The following CBLN2 variants were observed in gnomAD, a reference collection of about 807,000 sequenced individuals.
CBLN2 encodes cerebellin-2.
In CBLN2, 7 loss-of-function variants were observed where a neutral mutation model predicts 15.0. The ratio of observed to expected loss-of-function variants is 0.47; its 90% CI spans 0.27 to 0.88. CBLN2 has a LOEUF of 0.88. Ranked by LOEUF, CBLN2 falls within the 40% of genes least tolerant of loss-of-function variation. CBLN2 has a pLI of 0.14. For missense variants in CBLN2, 242 were observed against 304.5 expected (o/e 0.79, Z 1.53); for synonymous variants, 149 against 135.2 (o/e 1.10, Z -0.71).
chr18:72,542,909 CCACA>C (rs56135302), intron 2 of CBLN2: 23,047 of 131,516 alleles, frequency 0.18, 1,979 homozygotes, highest in Middle Eastern at 0.2. Context: ...GGAAATGACA[CCACA>C]CACACACACA....
chr18:72,622,557 C>T (rs1789920127), intron 1 of CBLN2, among the ~76,000 whole-genome samples: 1 of 152,054 alleles, frequency 6.6e-6, no homozygotes, highest in Non-Finnish European at 1.5e-5. Context: ...TGAATTGTTG[C>T]CTTAGATTCC....
chr18:72,559,594 G>T (rs1232053694), intron 1 of CBLN2, among the ~76,000 whole-genome samples: 2 of 152,298 alleles, frequency 1.3e-5, no homozygotes, highest in South Asian at 4.1e-4. Flanking sequence ...AAAACATCTT[G>T]ATCAATATGG....
chr18:72,567,329 A>G (rs530559718), intron 1 of CBLN2, among the ~76,000 whole-genome samples: 107 of 152,302 alleles, frequency 7.0e-4, no homozygotes, highest in African/African-American at 2.4e-3. Context: ...AAAAAAATCC[A>G]TTATGTATTC....
At chr18:72,598,038 C>T (rs1339477887) in intron 1 of CBLN2, among the ~76,000 whole-genome samples, 1 of 152,186 alleles carries the variant, frequency 6.6e-6, no homozygotes, top group Non-Finnish European at 1.5e-5. Flanking sequence ...TCTATACCAC[C>T]GTGGCTGATC....
chr18:72,539,998 T>C (rs1451111271), intron 3 of CBLN2: 1 of 152,206 alleles, frequency 6.6e-6, no homozygotes, highest in Non-Finnish European at 1.5e-5. Context: ...CGAAATGACT[T>C]GTGAAATATG....
chr18:72,575,948 C>G (rs1186911299), intron 1 of CBLN2, among the ~76,000 whole-genome samples: 1 of 152,046 alleles, frequency 6.6e-6, no homozygotes, highest in East Asian at 1.9e-4. Flanking sequence ...AGTATAGCAC[C>G]CTTTAGCCCT....
At chr18:72,590,403 A>C (rs907562803) in intron 1 of CBLN2, among the ~76,000 whole-genome samples, 1 of 152,138 alleles carries the variant, frequency 6.6e-6, no homozygotes, top group Admixed American at 6.5e-5. Flanking sequence ...CCATGATTGC[A>C]CTATTGCACT....
chr18:72,541,307 C>T (rs1341582498), intron 3 of CBLN2, among the ~76,000 whole-genome samples: 3 of 149,336 alleles, frequency 2.0e-5, no homozygotes, highest in Non-Finnish European at 3.0e-5. Flanking sequence ...TTAAGATAAA[C>T]ATCCCTTCCC....
At chr18:72,596,860 C>T (rs2069517137) in intron 1 of CBLN2, among the ~76,000 whole-genome samples, 1 of 152,034 alleles carries the variant, frequency 6.6e-6, no homozygotes, top group African/African-American at 2.4e-5. Context: ...TTTTCCTTGA[C>T]TTTTGGAATA....
At chr18:72,597,664 A>G (rs1332141949) in intron 1 of CBLN2, among the ~76,000 whole-genome samples, 1 of 152,194 alleles carries the variant, frequency 6.6e-6, no homozygotes, top group Non-Finnish European at 1.5e-5. Context: ...AGGTCCAGAG[A>G]TGCTGTCTGT....
rs118170045 is a variant in CBLN2 at position 72,543,178 on chromosome 18, C to T, written c.-167+308G>A. 2.6e-3 allele frequency: 728 copies of T among 275,126 alleles called. 17 individuals are homozygous for T. The East Asian group carries it at 0.042, about 16-fold the overall frequency. The allele number at this position is 275,126 out of a possible 1,614,324, so 17.0% of individuals were successfully genotyped here. On this transcript the variant is annotated intron_variant, in intron 2 of 4. Transcript: ENST00000269503. This position sits in a 1 kb window ranked among gnomAD's most constrained non-coding sequence, Gnocchi z 6.8. ...GGTTTCTGCGAACTTACGCGCCCGT[C>T]TGCACTTTTGCCCCGTCCCCGCTCC...
chr18:72,624,490 A>G (rs1160649543), intron 1 of CBLN2, among the ~76,000 whole-genome samples: 1 of 152,126 alleles, frequency 6.6e-6, no homozygotes, highest in African/African-American at 2.4e-5. Flanking sequence ...AAATACAAAA[A>G]TTATCTAGGG....
intron 1 of CBLN2, among the ~76,000 whole-genome samples, chr18:72,587,186 G>A (rs2069449535): frequency 6.6e-6 from 1 of 151,868 alleles, no homozygotes; most frequent in South Asian, 2.1e-4. Flanking sequence ...AATCGGTTTG[G>A]CATGAGGTGG....
chr18:72,602,137 C>T (rs1178094565), intron 1 of CBLN2, among the ~76,000 whole-genome samples: 3 of 152,234 alleles, frequency 2.0e-5, no homozygotes, highest in African/African-American at 7.2e-5. Context: ...CATCCCCTTC[C>T]GGTCCCCCCA....
chr18:72,619,875 C>A (rs775419344), intron 1 of CBLN2, among the ~76,000 whole-genome samples: 17 of 152,226 alleles, frequency 1.1e-4, no homozygotes, highest in African/African-American at 3.9e-4. Flanking sequence ...TCTCAGTCCA[C>A]CCATGTCTAA....
chr18:72,580,105 A>G (rs2069393435), intron 1 of CBLN2, among the ~76,000 whole-genome samples: 2 of 151,966 alleles, frequency 1.3e-5, no homozygotes, highest in South Asian at 4.1e-4. Context: ...TAATATATAT[A>G]TATATACAAG....
chr18:72,558,574 C>G (rs2069240851), intron 1 of CBLN2, among the ~76,000 whole-genome samples: 1 of 152,072 alleles, frequency 6.6e-6, no homozygotes, highest in African/African-American at 2.4e-5. Context: ...GTTCTTTTCT[C>G]TGGAAGTAAT....
chr18:72,567,261 A>G (rs749543165), intron 1 of CBLN2, among the ~76,000 whole-genome samples: 7 of 152,216 alleles, frequency 4.6e-5, no homozygotes, highest in Non-Finnish European at 1.0e-4. Context: ...AAATAATAAT[A>G]AGAAGAACTA....
chr18:72,628,447 C>A (rs993474641), intron 1 of CBLN2, among the ~76,000 whole-genome samples: 13 of 152,166 alleles, frequency 8.5e-5, no homozygotes, highest in African/African-American at 2.9e-4. Context: ...CCAATCACAG[C>A]CCCAGCTGAC....
Sources: gnomAD v4.1 joint callset for allele counts (sites outside exome capture counted in the v4.1 genomes callset) on GRCh38, gnomAD v4.1.1 for gene constraint, Gnocchi (gnomAD v3.1) non-coding constraint, MANE v1.5 for transcripts, NCBI Gene and HGNC (gene_info 2026-07-23, HGNC 2026-07-21) for gene names.